The following ANLN variants were observed in gnomAD, a reference collection of about 807,000 sequenced individuals.
The protein encoded by ANLN is anillin, actin binding protein, also known as anillin.
Under a neutral mutation model 135.1 loss-of-function variants are expected in ANLN, and 59 were observed. That is an observed-to-expected ratio of 0.44 (90% CI 0.35 to 0.54). The LOEUF (loss-of-function observed/expected upper bound fraction) is 0.54. Ranked by LOEUF, ANLN falls within the 20% of genes least tolerant of loss-of-function variation. The probability of loss-of-function intolerance (pLI) is 0.00; values close to 1 mark genes in which losing one functional copy is unlikely to be tolerated. For missense variants in ANLN, 1,182 were observed against 1,340.0 expected (o/e 0.88, Z 1.84); for synonymous variants, 406 against 456.4 (o/e 0.89, Z 1.41).
At chr7:36,420,519 T>TA in intron 11 of ANLN, 78 bp from the exon 12 acceptor site, 1 of 1,343,318 alleles carries the variant, frequency 7.4e-7, no homozygotes, top group Non-Finnish European at 1.0e-6. Context: ...CAGTGTCAAA[T>TA]TCTGCTGATA....
At chr7:36,396,791 G>A (rs1583590987) in intron 2 of ANLN, among the ~76,000 whole-genome samples, 1 of 152,104 alleles carries the variant, frequency 6.6e-6, no homozygotes, top group Admixed American at 6.5e-5. Context: ...AGTTTGGGTG[G>A]TGTCTCCGGT....
At chr7:36,420,030 A>C in intron 10 of ANLN, 139 bp from the exon 11 acceptor site, 1 of 780,440 alleles carries the variant, frequency 1.3e-6, no homozygotes, top group Non-Finnish European at 2.0e-6. Flanking sequence ...TTAGGAACTT[A>C]GTTTGCTTTG....
intron 18 of ANLN, 85 bp downstream of exon 18, chr7:36,425,825 A>G: frequency 7.2e-7 from 1 of 1,397,722 alleles, no homozygotes; most frequent in Non-Finnish European, 1.0e-6. Flanking sequence ...CCATTTCTGA[A>G]CCTTGAGCAC....
intron 20 of ANLN, among the ~76,000 whole-genome samples, chr7:36,436,970 G>T (rs1788573692): frequency 6.6e-6 from 1 of 152,054 alleles, no homozygotes; most frequent in Non-Finnish European, 1.5e-5. Flanking sequence ...ATGTGCAAAG[G>T]TCTATAATTT....
intron 15 of ANLN, 143 bp from the exon 16 acceptor site, chr7:36,424,402 T>C (rs1046180115): frequency 3.8e-5 from 22 of 582,742 alleles, no homozygotes; most frequent in Non-Finnish European, 5.4e-5. Context: ...AGGGAAAAAA[T>C]AGACTTCTTA....
chr7:36,390,093 C>G (rs775122363), intron 1 of ANLN, 49 bp downstream of exon 1: 7 of 1,612,134 alleles, frequency 4.3e-6, no homozygotes, highest in Admixed American at 1.7e-5. Context: ...GCTCTAGGCC[C>G]CCACCCACCT....
chr7:36,410,786 CT>C, intron 6 of ANLN, 82 bp downstream of exon 6: 1 of 1,363,734 alleles, frequency 7.3e-7, no homozygotes. Flanking sequence ...TGATGCCAGT[CT>C]TTTTGACTGA....
intron 20 of ANLN, among the ~76,000 whole-genome samples, chr7:36,433,423 T>C (rs1235613244): frequency 6.6e-6 from 1 of 151,902 alleles, no homozygotes; most frequent in Non-Finnish European, 1.5e-5. Context: ...ATGGCTTTAA[T>C]TGTTTCTAAT....
intron 3 of ANLN, among the ~76,000 whole-genome samples, chr7:36,400,109 A>G (rs894384283): frequency 6.6e-6 from 1 of 152,210 alleles, no homozygotes; most frequent in Non-Finnish European, 1.5e-5. Flanking sequence ...AAGTCATTTT[A>G]TTAAATGCAG....
chr7:36,424,830 T>G (rs557038378), intron 17 of ANLN, 88 bp downstream of exon 17: 244 of 1,357,074 alleles, frequency 1.8e-4, no homozygotes, highest in Non-Finnish European at 2.3e-4. Context: ...CAACTTTTAA[T>G]GATTAGGAAG....
intron 20 of ANLN, among the ~76,000 whole-genome samples, chr7:36,427,427 T>C (rs115932732): frequency 0.027 from 4,171 of 152,126 alleles, 80 homozygotes; most frequent in South Asian, 0.031. Context: ...TAGGTTGGAG[T>C]GCATGGCTCA....
Position 36,399,403 on chromosome 7 carries a change from G to A in ANLN, c.487+10G>A. The A allele has an allele frequency of 6.3e-7, 1 of 1,581,366 alleles. No individual in the cohort carries two copies. Among genetic ancestry groups the A allele is most frequent in the Non-Finnish European group, 8.6e-7 (1 of 1,161,952 alleles). On this transcript the variant is annotated intron_variant, in intron 3 of 23. Coordinates refer to ENST00000265748, the MANE Select transcript of ANLN (RefSeq NM_018685.5). Reference sequence around the variant, plus strand: ...AATGATGATATGACAGGTATGAATTGTATAGATGGTATGGCCCATACATCT... The same window carrying A: ...AATGATGATATGACAGGTATGAATTATATAGATGGTATGGCCCATACATCT...
intron 21 of ANLN, 149 bp downstream of exon 21, chr7:36,439,439 C>T: frequency 1.7e-6 from 1 of 576,932 alleles, no homozygotes; most frequent in Non-Finnish European, 3.1e-6. Context: ...AATCACTGTG[C>T]TGCCATTGGA....
At chr7:36,394,455 A>G (rs980746197) in intron 1 of ANLN, among the ~76,000 whole-genome samples, 1 of 152,048 alleles carries the variant, frequency 6.6e-6, no homozygotes, top group Non-Finnish European at 1.5e-5. Flanking sequence ...AAATTATCGG[A>G]CATATATGGA....
At chr7:36,422,364 C>T (rs1382260930) in intron 13 of ANLN, among the ~76,000 whole-genome samples, 1 of 151,494 alleles carries the variant, frequency 6.6e-6, no homozygotes, top group Non-Finnish European at 1.5e-5. Flanking sequence ...TTGCTGTGTG[C>T]GTATATGTGG....
chr7:36,400,541 TTTGGTAGAGATG>T (rs1264950586), intron 3 of ANLN, among the ~76,000 whole-genome samples: 6 of 152,038 alleles, frequency 3.9e-5, no homozygotes, highest in Non-Finnish European at 7.4e-5. Flanking sequence ...TTTTGTATCT[TTTGGTAGAGATG>T]GAGTTGCACC....
rs1562792127 is a variant in ANLN, at chr7:36,407,740, A to G, written c.880A>G (p.Thr294Ala). ...AAGTGTTTTCATGTTTCAGAAAGCT[A>G]CTTCTCCAGTGAAATCTACTACATC... ...NASISSSVKATSPVKSTTSIT... is the reference protein window; with the variant it reads ...NASISSSVKAASPVKSTTSIT... Residue 294 changes from threonine to alanine, a missense_variant, in exon 5 of 24, where the codon ACT (threonine) becomes GCT (alanine). Thr to Ala is a moderately conservative substitution (Grantham distance 58). Transcript: ENST00000265748. 3.1e-6 allele frequency: 5 copies of G among 1,609,122 alleles called. No homozygotes were observed. The highest frequency in any genetic ancestry group is 2.7e-5 in the African/African-American group (2 of 74,762).
chr7:36,451,513 G>A (rs1027334521), intron 23 of ANLN, among the ~76,000 whole-genome samples: 1 of 152,126 alleles, frequency 6.6e-6, no homozygotes, highest in Admixed American at 6.5e-5. Flanking sequence ...AGTGACTAGA[G>A]ATTTTTTTTA....
Position 36,421,889 on chromosome 7 carries a change from A to T in ANLN, c.2196A>T (p.Thr732=). The T allele has an allele frequency of 1.2e-6, 2 of 1,613,270 alleles. No homozygotes were observed. The highest frequency in any genetic ancestry group is 1.7e-6 in the Non-Finnish European group (2 of 1,179,564). Residue 732 remains threonine, a synonymous_variant, in exon 13 of 24, where the codon ACA becomes ACT. Transcript: ENST00000265748. ...ELNNEINMQQ[T]VIYQASQALN... is the part of the protein sequence containing the mutation. ...ATAACGAAATAAATATGCAACAGAC[A>T]GTGATCTATCAAGCTAGCCAGGCTC... is the stretch of plus-strand genomic sequence containing the variant.
Sources: gnomAD v4.1 joint callset for allele counts (sites outside exome capture counted in the v4.1 genomes callset) on GRCh38, gnomAD v4.1.1 for gene constraint, MANE v1.5 for transcripts, NCBI Gene and HGNC (gene_info 2026-07-23, HGNC 2026-07-21) for gene names.